Variants in TIA1 observed in about 807,000 individuals in gnomAD.
TIA1 encodes the protein cytotoxic granule associated RNA binding protein TIA1.
TIA1 carries 23 observed loss-of-function variants against 65.9 expected under a neutral mutation model. The ratio of observed to expected loss-of-function variants is 0.35; its 90% CI spans 0.25 to 0.49. The LOEUF (loss-of-function observed/expected upper bound fraction) is 0.49. Among genes scored for constraint, TIA1 ranks in the 20% least tolerant of loss-of-function variants. The pLI is 0.98. For synonymous variants in TIA1, 147 were observed against 149.4 expected (o/e 0.98, Z 0.12); for missense variants, 371 against 477.9 (o/e 0.78, Z 2.09).
At position 70,236,069 on chromosome 2, in the gene TIA1, A is replaced by T. The variant is rs764571735; in HGVS notation, c.123+10T>A. 1 of 1,529,464 alleles carries T rather than the reference A, an allele frequency of 6.5e-7. No homozygotes were observed. The highest frequency in any genetic ancestry group is 2.0e-5 in the Admixed American group (1 of 51,178). 94.7% of individuals were successfully genotyped at this position (1,529,464 alleles called of 1,614,324 possible). A position where few individuals can be genotyped will look rare whatever the true frequency, so the allele number is the denominator to read the frequency against. On this transcript the variant is annotated intron_variant, in intron 2 of 12. Transcript: ENST00000433529. ...AAAAGAATAAAGTTAACTAAGTAAA[A>T]TACCCTTACATCCATAATCATTTTG...
At position 70,232,435 on chromosome 2, in the gene TIA1, G is replaced by A. The variant is rs1443512163; in HGVS notation, c.124-1581C>T. On this transcript the variant is annotated intron_variant, in intron 2 of 12. Coordinates refer to ENST00000433529, the MANE Select transcript of TIA1 (RefSeq NM_022173.4). ...CATGCCTGTAATCCCAGCTACTCGG[G>A]AGGCTGAGGCAGGAGAATCGCTTGA... Among the ~76,000 whole-genome samples the A allele has an allele frequency of 5.4e-5, 8 of 147,504 alleles. No individual in the cohort carries two copies. In the East Asian group the frequency reaches 1.6e-3, roughly 30 times the overall value.
chr2:70,225,906 C>A (rs1440954078), intron 6 of TIA1, among the ~76,000 whole-genome samples: 1 of 152,050 alleles, frequency 6.6e-6, no homozygotes, highest in Non-Finnish European at 1.5e-5. Flanking sequence ...CTTTTACAGA[C>A]CACTGTTTAT....
At chr2:70,247,162 A>G (rs756108170) in intron 1 of TIA1, among the ~76,000 whole-genome samples, 1 of 152,206 alleles carries the variant, frequency 6.6e-6, no homozygotes, top group Non-Finnish European at 1.5e-5. Flanking sequence ...AAGGTCATGC[A>G]CTAATTGCTA....
intron 1 of TIA1, among the ~76,000 whole-genome samples, chr2:70,245,824 C>T (rs968167626): frequency 1.3e-5 from 2 of 151,846 alleles, no homozygotes; most frequent in Admixed American, 6.6e-5. Flanking sequence ...TTCCAGTGAG[C>T]CATTTAGGTA....
chr2:70,212,972 G>T, intron 12 of TIA1, 127 bp from the exon 13 acceptor site: 2 of 645,020 alleles, frequency 3.1e-6, no homozygotes, highest in South Asian at 3.9e-5. Context: ...ATCCCAAATA[G>T]AATAATTTAT....
chr2:70,241,274 T>C (rs1190738665), intron 1 of TIA1, among the ~76,000 whole-genome samples: 7 of 152,042 alleles, frequency 4.6e-5, no homozygotes, highest in Non-Finnish European at 8.8e-5. Context: ...ACCCCGTCTC[T>C]ACTAAAAAAT....
At chr2:70,222,869 G>A (rs1347301530) in intron 7 of TIA1, among the ~76,000 whole-genome samples, 1 of 152,202 alleles carries the variant, frequency 6.6e-6, no homozygotes, top group Non-Finnish European at 1.5e-5. Context: ...AGCCGAAATT[G>A]CGCCATTGCG....
chr2:70,218,821 T>A (rs1450605017), intron 7 of TIA1, among the ~76,000 whole-genome samples: 1 of 152,234 alleles, frequency 6.6e-6, no homozygotes, highest in Non-Finnish European at 1.5e-5. Context: ...TGTGCAATAT[T>A]CTAGATTTTT....
intron 6 of TIA1, chr2:70,225,057 A>T (rs1234639183): frequency 1.9e-5 from 19 of 981,932 alleles, no homozygotes; most frequent in Non-Finnish European, 2.3e-5. Flanking sequence ...GGAAACCAAA[A>T]GAATGAAAAA....
intron 10 of TIA1, 79 bp downstream of exon 10, chr2:70,216,129 A>C: frequency 8.4e-7 from 1 of 1,187,226 alleles, no homozygotes; most frequent in Admixed American, 3.1e-5. Flanking sequence ...TTGGAGGAAA[A>C]AGTTTTTTAT....
chr2:70,245,239 G>T (rs1045010388), intron 1 of TIA1, among the ~76,000 whole-genome samples: 1 of 152,120 alleles, frequency 6.6e-6, no homozygotes, highest in Non-Finnish European at 1.5e-5. Context: ...CACTCACCTC[G>T]GCTTCCCAAA....
intron 7 of TIA1, among the ~76,000 whole-genome samples, chr2:70,217,643 C>T (rs774670025): frequency 2.0e-5 from 3 of 152,114 alleles, no homozygotes; most frequent in Non-Finnish European, 2.9e-5. Context: ...GTGATCCTCC[C>T]AACTCGGCCT....
Position 70,229,269 on chromosome 2 carries a change from G to T in TIA1, c.272C>A (p.Thr91Lys). The part of the protein sequence containing the change: ...ATTPSSQKKD[T>K]SSSTVVSTQR... ...AGAGCATAAAATATACTTACTGCTT[G>T]TATCTTTCTTTTGACTGCTAGGGGT... Residue 91 changes from threonine (T) to lysine (K), a missense_variant, in exon 4 of 13, where the codon ACA (threonine) becomes AAA (lysine). By Grantham distance (78) the Thr-to-Lys change is moderately conservative. Transcript: ENST00000433529. 6.2e-7 allele frequency: 1 copy of T among 1,613,442 alleles called. No individual in the cohort carries two copies. The highest frequency in any genetic ancestry group is 8.5e-7 in the Non-Finnish European group (1 of 1,179,836).
At chr2:70,216,066 T>C in intron 10 of TIA1, 142 bp downstream of exon 10, 1 of 870,232 alleles carries the variant, frequency 1.1e-6, no homozygotes, top group Middle Eastern at 3.5e-4. Flanking sequence ...TTTCAACTTT[T>C]TTATAACCAA....
chr2:70,225,192 GAC>G (rs944916305), intron 6 of TIA1: 2 of 1,053,860 alleles, frequency 1.9e-6, no homozygotes, highest in Non-Finnish European at 2.3e-6. Context: ...AAAAATACTA[GAC>G]ACACACAAGT....
chr2:70,216,051 CAA>C, intron 10 of TIA1, 155 bp downstream of exon 10: 1 of 730,038 alleles, frequency 1.4e-6, no homozygotes, highest in East Asian at 2.9e-5. Flanking sequence ...CGCACCCGGC[CAA>C]AATTTCAACT....
intron 1 of TIA1, among the ~76,000 whole-genome samples, chr2:70,241,860 T>G (rs908651795): frequency 6.6e-6 from 1 of 151,742 alleles, no homozygotes; most frequent in Non-Finnish European, 1.5e-5. Flanking sequence ...GAACAATGAT[T>G]GTGCCACTGA....
At chr2:70,225,462 T>C (rs1683396858) in intron 6 of TIA1, 6 of 1,275,326 alleles carry the variant, frequency 4.7e-6, no homozygotes, top group Middle Eastern at 2.1e-4. Context: ...TAAAACTCCA[T>C]ACCTCAAAAA....
chr2:70,236,969 C>T (rs1289854306), intron 1 of TIA1, among the ~76,000 whole-genome samples: 3 of 152,260 alleles, frequency 2.0e-5, no homozygotes, highest in African/African-American at 4.8e-5. Flanking sequence ...TATTCTCCAT[C>T]GGTTTCTAAA....
Sources: allele counts gnomAD v4.1 joint callset (sites outside exome capture counted in the v4.1 genomes callset), GRCh38; gene constraint gnomAD v4.1.1; transcripts MANE v1.5; gene names NCBI Gene and HGNC (gene_info 2026-07-23, HGNC 2026-07-21).